The following PRLR variants were observed in gnomAD, a reference collection of about 807,000 sequenced individuals.
PRLR encodes the protein prolactin receptor.
Under a neutral mutation model 40.2 loss-of-function variants are expected in PRLR, and 13 were observed. The ratio of observed to expected loss-of-function variants is 0.32; its 90% CI spans 0.21 to 0.51. The LOEUF (loss-of-function observed/expected upper bound fraction) is 0.51, where lower values mean the gene tolerates loss of function less well. PRLR is among the 20% of genes least tolerant of loss of function. The pLI is 0.97. For synonymous variants in PRLR, 269 were observed against 278.7 expected (o/e 0.97, Z 0.35); for missense variants, 656 against 747.3 (o/e 0.88, Z 1.42).
At position 35,126,569 on chromosome 5, in the gene PRLR, TGGATGTGTATA is replaced by T. The variant is rs1229282882; in HGVS notation, c.-105-8458_-105-8448del. Reference sequence around the variant, plus strand: ...ATTACATATAGGCAGCATGGTTCACTGGATGTGTATAGGATTCTGAATCGGACCAAAAGGGA... The same window carrying T: ...ATTACATATAGGCAGCATGGTTCACTGGATTCTGAATCGGACCAAAAGGGA... On this transcript the variant is annotated intron_variant, in intron 1 of 9. Coordinates refer to ENST00000618457, the MANE Select transcript of PRLR (RefSeq NM_000949.7). Among the ~76,000 whole-genome samples, 11 of 152,326 alleles carry T rather than the reference TGGATGTGTATA, an allele frequency of 7.2e-5. No individual in the cohort carries two copies. In the East Asian group the frequency reaches 1.9e-3, roughly 27 times the overall value.
chr5:35,049,933 G>A (rs367590616), intron 8 of PRLR, among the ~76,000 whole-genome samples: 273 of 137,558 alleles, frequency 2.0e-3, no homozygotes, highest in African/African-American at 6.6e-3. Flanking sequence ...TTGAGACAGA[G>A]TTTCGCACTT....
rs541007284 is a variant in PRLR, at chr5:35,078,209, A to C, written c.374-5465T>G. The stretch of plus-strand genomic sequence containing the variant: ...AGGCAAGAAATAACTAAGATCAGAG[A>C]AGAACTGAAGGTGATAGAGACACAA... On this transcript the variant is annotated intron_variant, in intron 5 of 9. Transcript: ENST00000618457. 3.8e-3 allele frequency among the ~76,000 whole-genome samples: 578 copies of C among 152,248 alleles called. 3 individuals are homozygous for C. Among genetic ancestry groups the C allele is most frequent in the African/African-American group, 0.012 (501 of 41,562 alleles).
At chr5:35,094,297 T>A (rs1439284287) in intron 2 of PRLR, among the ~76,000 whole-genome samples, 1 of 152,226 alleles carries the variant, frequency 6.6e-6, no homozygotes, top group African/African-American at 2.4e-5. Context: ...TGAGTGTGTG[T>A]GTGTGTGGCT....
chr5:35,199,423 G>C (rs562360085), intron 1 of PRLR, among the ~76,000 whole-genome samples: 45 of 152,142 alleles, frequency 3.0e-4, no homozygotes, highest in African/African-American at 1.1e-3. Flanking sequence ...ATGCTACATG[G>C]CTGAGAATAT....
At chr5:35,174,931 T>G (rs1775102716) in intron 1 of PRLR, among the ~76,000 whole-genome samples, 1 of 152,230 alleles carries the variant, frequency 6.6e-6, no homozygotes, top group Non-Finnish European at 1.5e-5. Flanking sequence ...CAAGAATGGG[T>G]CTGACTTAGA....
At chr5:35,204,443 A>G (rs925815637) in intron 1 of PRLR, among the ~76,000 whole-genome samples, 2 of 152,056 alleles carry the variant, frequency 1.3e-5, no homozygotes, top group African/African-American at 4.8e-5. Flanking sequence ...TAAGCAGCAG[A>G]GGGTACTTAC....
chr5:35,136,733 G>A (rs1468095436), intron 1 of PRLR, among the ~76,000 whole-genome samples: 4 of 152,130 alleles, frequency 2.6e-5, no homozygotes, highest in African/African-American at 7.2e-5. Flanking sequence ...TAGCTGGCTA[G>A]CCCACGTGAA....
chr5:35,076,905 A>G, intron 5 of PRLR, among the ~76,000 whole-genome samples: 1 of 152,212 alleles, frequency 6.6e-6, no homozygotes, highest in Non-Finnish European at 1.5e-5. Flanking sequence ...ATTCTCAAAG[A>G]AAAGAATTTT....
At chr5:35,111,895 T>A (rs1042974237) in intron 2 of PRLR, among the ~76,000 whole-genome samples, 5 of 152,190 alleles carry the variant, frequency 3.3e-5, no homozygotes, top group Admixed American at 3.3e-4. Flanking sequence ...ATTACTTTTG[T>A]AATAAAATAA....
chr5:35,146,057 C>A (rs73076830), intron 1 of PRLR, among the ~76,000 whole-genome samples: 9,360 of 152,244 alleles, frequency 0.061, 1,020 homozygotes, highest in African/African-American at 0.21. Flanking sequence ...AATCCTAGTA[C>A]AACTTCATCA....
rs549626617 is a variant in PRLR at position 35,059,361 on chromosome 5, T to A, written c.*5728A>T. On this transcript the variant is annotated 3_prime_UTR_variant, in exon 10 of 10. Coordinates refer to ENST00000618457, the MANE Select transcript of PRLR (RefSeq NM_000949.7). Reference sequence around the variant, plus strand: ...TTACATGTCTCAGTACTTTCTAAATTGAAATCAGAGCATTAAATCAAGGGA... The same window carrying A: ...TTACATGTCTCAGTACTTTCTAAATAGAAATCAGAGCATTAAATCAAGGGA... The A allele has an allele frequency of 3.3e-5, 5 of 152,224 alleles. No individual in the cohort carries two copies. In the South Asian group the frequency reaches 1.0e-3, roughly 32 times the overall value. 9.4% of individuals were successfully genotyped at this position (152,224 alleles called of 1,614,324 possible).
At chr5:35,049,554 A>G (rs1453171927) in intron 8 of PRLR, 2 of 596,594 alleles carry the variant, frequency 3.4e-6, no homozygotes, top group Non-Finnish European at 5.9e-6. Context: ...CAAGCCTAGA[A>G]TTGCATAAAG....
At chr5:35,096,156 G>A (rs1771523413) in intron 2 of PRLR, among the ~76,000 whole-genome samples, 1 of 152,216 alleles carries the variant, frequency 6.6e-6, no homozygotes, top group Non-Finnish European at 1.5e-5. Flanking sequence ...TTCTAACCTA[G>A]TCAGGGCAAA....
At chr5:35,216,620 A>G (rs1776294763) in intron 1 of PRLR, among the ~76,000 whole-genome samples, 1 of 152,252 alleles carries the variant, frequency 6.6e-6, no homozygotes, top group South Asian at 2.1e-4. Flanking sequence ...GACATAGGTC[A>G]ACACCAAAGA....
intron 1 of PRLR, among the ~76,000 whole-genome samples, chr5:35,189,579 TAAA>T (rs67985035): frequency 3.4e-5 from 5 of 145,430 alleles, no homozygotes; most frequent in Admixed American, 6.8e-5. Flanking sequence ...AAACTCCGTT[TAAA>T]AAAAAAAAAA....
intron 1 of PRLR, among the ~76,000 whole-genome samples, chr5:35,171,543 G>T (rs1357447613): frequency 6.6e-6 from 1 of 152,188 alleles, no homozygotes; most frequent in Non-Finnish European, 1.5e-5. Context: ...GATGTACCTG[G>T]CTGTGCTAGA....
rs1248446257 is a variant in PRLR, at chr5:35,086,279, G to A, written c.132C>T (p.Phe44=). The change falls in exon 4 of 10, where the codon TTC becomes TTT. Residue 44 remains phenylalanine (F), a synonymous_variant. Coordinates refer to ENST00000618457, the MANE Select transcript of PRLR (RefSeq NM_000949.7). ...FKCRSPNKET[F]TCWWRPGTDG... ...CTGTCCCAGGCCTCCACCAGCAGGT[G>A]AATGTTTCCTTATTGGGAGAACGAC... 6 of 1,613,932 alleles carry A rather than the reference G, an allele frequency of 3.7e-6. No homozygotes were observed. The highest frequency in any genetic ancestry group is 1.7e-5 in the Admixed American group (1 of 60,004).
intron 2 of PRLR, among the ~76,000 whole-genome samples, chr5:35,100,467 A>G (rs249525): frequency 0.056 from 8,518 of 152,186 alleles, 565 homozygotes; most frequent in East Asian, 0.18. Flanking sequence ...AATCTTTTAT[A>G]CTGTGTTTTT....
At chr5:35,098,860 T>G (rs188570276) in intron 2 of PRLR, among the ~76,000 whole-genome samples, 9 of 152,344 alleles carry the variant, frequency 5.9e-5, no homozygotes, top group African/African-American at 1.7e-4. Context: ...AAAGGTATTC[T>G]AATTCAACCC....
Sources: allele counts gnomAD v4.1 joint callset (sites outside exome capture counted in the v4.1 genomes callset), GRCh38; gene constraint gnomAD v4.1.1; transcripts MANE v1.5; gene names NCBI Gene and HGNC (gene_info 2026-07-23, HGNC 2026-07-21).